Variants in AGO4 observed in about 807,000 individuals in gnomAD.
AGO4 encodes argonaute RISC component 4.
AGO4 carries 33 observed loss-of-function variants against 104.7 expected under a neutral mutation model. That is an observed-to-expected ratio of 0.32 (90% CI 0.24 to 0.42). AGO4 has a LOEUF of 0.42. AGO4 is among the 10% of genes least tolerant of loss of function. AGO4 has a pLI of 1.00. For missense variants in AGO4, 711 were observed against 1,083.4 expected (o/e 0.66, Z 4.83); for synonymous variants, 331 against 364.7 (o/e 0.91, Z 1.05).
chr1:35,834,183 CCTTTTAATG>C lies in AGO4; in HGVS notation c.1564+12_1564+20del, dbSNP rs1644250899. ...AAAGACACCAGTATATGGTATGGAC[CCTTTTAATG>C]CTGAATGAGGGATGATTTCAAGCAG... On this transcript the variant is annotated intron_variant, in intron 12 of 17. Transcript: ENST00000373210. 1 of 1,516,750 alleles carries C rather than the reference CCTTTTAATG, an allele frequency of 6.6e-7. No homozygotes were observed. The highest frequency in any genetic ancestry group is 1.3e-5 in the South Asian group (1 of 74,860). The allele number at this position is 1,516,750 out of a possible 1,614,324, so 94.0% of individuals were successfully genotyped here.
chr1:35,847,379 A>G (rs562663171), intron 15 of AGO4, among the ~76,000 whole-genome samples: 1 of 152,126 alleles, frequency 6.6e-6, no homozygotes, highest in East Asian at 1.9e-4. Flanking sequence ...GATTACAGGC[A>G]CATGCCACCA....
chr1:35,833,918 T>A, intron 11 of AGO4, 72 bp from the exon 12 acceptor site: 1 of 1,247,370 alleles, frequency 8.0e-7, no homozygotes, highest in Non-Finnish European at 1.0e-6. Flanking sequence ...AAGGAAGTAT[T>A]TCAGAGGAAA....
chr1:35,837,376 G>A (rs909372306), intron 13 of AGO4, among the ~76,000 whole-genome samples: 35 of 150,966 alleles, frequency 2.3e-4, no homozygotes, highest in Non-Finnish European at 2.2e-4. Flanking sequence ...GAGCCACCGC[G>A]CCTGGCCTGT....
At chr1:35,807,663 GA>G (rs1643339953), upstream of AGO4, among the ~76,000 whole-genome samples, 1 of 152,298 alleles carries the variant, frequency 6.6e-6, no homozygotes, top group East Asian at 1.9e-4. Flanking sequence ...TACGGAGAGG[GA>G]CGCGCAGTTG....
At chr1:35,832,760 C>T (rs1422229850) in intron 11 of AGO4, among the ~76,000 whole-genome samples, 190 bp downstream of exon 11, 1 of 152,142 alleles carries the variant, frequency 6.6e-6, no homozygotes, top group African/African-American at 2.4e-5. Flanking sequence ...TCTGACTCAG[C>T]TTCCTTACAT....
chr1:35,826,103 A>T, intron 6 of AGO4, 43 bp downstream of exon 6: 1 of 1,606,588 alleles, frequency 6.2e-7, no homozygotes, highest in Non-Finnish European at 8.5e-7. Context: ...GCAGCTCAGC[A>T]TGCTGCACGT....
At chr1:35,814,467 C>T (rs1329200675) in intron 1 of AGO4, among the ~76,000 whole-genome samples, 1 of 149,730 alleles carries the variant, frequency 6.7e-6, no homozygotes, top group Non-Finnish European at 1.5e-5. Context: ...CCCCCTACCC[C>T]ACAACAGGCC....
At chr1:35,839,776 G>A (rs999848838) in intron 13 of AGO4, among the ~76,000 whole-genome samples, 1 of 151,926 alleles carries the variant, frequency 6.6e-6, no homozygotes, top group African/African-American at 2.4e-5. Context: ...AGGTTGTCAA[G>A]TATGGGATGC....
intron 2 of AGO4, among the ~76,000 whole-genome samples, chr1:35,818,807 A>G (rs1268096108): frequency 1.3e-5 from 2 of 152,046 alleles, no homozygotes; most frequent in Non-Finnish European, 2.9e-5. Context: ...ATCATGCAGA[A>G]CTTGTAGGCA....
rs181810850 is a variant in AGO4, at chr1:35,825,198, G to T, written c.307-115G>T. On this transcript the variant is annotated intron_variant, in intron 3 of 17. Coordinates refer to ENST00000373210, the MANE Select transcript of AGO4 (RefSeq NM_017629.4). ...AAGTTGTTTCCAATGTTACACAATT[G>T]TAAAAAAAAGTTAAAAGAAATATCC... 1.1e-4 allele frequency: 117 copies of T among 1,084,690 alleles called. 1 individual carries two copies. The highest frequency in any genetic ancestry group is 1.5e-4 in the Non-Finnish European group (111 of 757,578). The allele number at this position is 1,084,690 out of a possible 1,614,324, so 67.2% of individuals were successfully genotyped here.
intron 11 of AGO4, 80 bp downstream of exon 11, chr1:35,832,650 C>T: frequency 2.7e-6 from 4 of 1,495,482 alleles, no homozygotes; most frequent in Non-Finnish European, 3.6e-6. Flanking sequence ...GTGCTGTGTA[C>T]ACTGGCACTA....
intron 13 of AGO4, among the ~76,000 whole-genome samples, chr1:35,837,810 T>C (rs1644350560): frequency 6.6e-6 from 1 of 152,214 alleles, no homozygotes; most frequent in Non-Finnish European, 1.5e-5. Flanking sequence ...AGATATCCTA[T>C]AGGCAAACAG....
chr1:35,816,288 T>C (rs113592102), intron 1 of AGO4, among the ~76,000 whole-genome samples: 1,588 of 152,040 alleles, frequency 0.01, 18 homozygotes, highest in African/African-American at 0.033. Flanking sequence ...CTAATGCTCA[T>C]GCAAGATTTT....
intron 15 of AGO4, among the ~76,000 whole-genome samples, chr1:35,846,045 G>A (rs1644565120): frequency 6.6e-6 from 1 of 152,192 alleles, no homozygotes. Flanking sequence ...ATAATTGGGT[G>A]TGGATGTATA....
rs982176540 is a variant in AGO4, at chr1:35,808,654, G to A, written c.19+219G>A. ...TGGGTGGATCCCGAGGTCCAGGGGG[G>A]AGGTTCGGGAAGGTGACCGGCGCTG... On this transcript the variant is annotated intron_variant, in intron 1 of 17. Coordinates refer to ENST00000373210, the MANE Select transcript of AGO4 (RefSeq NM_017629.4). This position sits in a 1 kb window ranked among gnomAD's most constrained non-coding sequence, Gnocchi z 5.2. Among the ~76,000 whole-genome samples, 9 of 152,118 alleles carry A rather than the reference G, an allele frequency of 5.9e-5. No homozygotes were observed. The highest frequency in any genetic ancestry group is 1.2e-4 in the Non-Finnish European group (8 of 67,990).
rs778885840 is a variant in AGO4, at chr1:35,835,845, C to T, written c.1576C>T (p.Arg526Cys). ...GKTPVYAEVK[R>C]VGDTLLGMAT... The stretch of plus-strand genomic sequence containing the variant: ...AATTATTTTTGTAGCGGAGGTGAAA[C>T]GTGTTGGAGATACCCTTCTAGGTAT... Residue 526 changes from arginine to cysteine, a missense_variant, in exon 13 of 18, where the codon CGT (arginine) becomes TGT (cysteine). Arg to Cys is a radical substitution (Grantham distance 180, BLOSUM62 -3). Transcript: ENST00000373210. 7 of 1,596,172 alleles carry T rather than the reference C, an allele frequency of 4.4e-6. No individual in the cohort carries two copies. The highest frequency in any genetic ancestry group is 2.3e-5 in the South Asian group (2 of 86,874).
intron 2 of AGO4, among the ~76,000 whole-genome samples, chr1:35,817,460 T>TG (rs947929886): frequency 3.3e-5 from 5 of 152,068 alleles, no homozygotes; most frequent in African/African-American, 9.7e-5. Context: ...GATTTTTTCT[T>TG]GGGGGAAAAG....
chr1:35,828,274 C>T (rs1040855090), intron 7 of AGO4, among the ~76,000 whole-genome samples: 3 of 152,180 alleles, frequency 2.0e-5, no homozygotes, highest in African/African-American at 7.2e-5. Flanking sequence ...CCCACCTCAG[C>T]CTCCTGAGTA....
At chr1:35,833,138 G>T (rs1025695321) in intron 11 of AGO4, among the ~76,000 whole-genome samples, 10 of 152,008 alleles carry the variant, frequency 6.6e-5, no homozygotes, top group Non-Finnish European at 8.8e-5. Context: ...AATCAGCCAG[G>T]CATGGTGGCA....
Sources: allele counts gnomAD v4.1 joint callset (sites outside exome capture counted in the v4.1 genomes callset), GRCh38; gene constraint gnomAD v4.1.1; non-coding constraint Gnocchi (gnomAD v3.1); transcripts MANE v1.5; gene names NCBI Gene and HGNC (gene_info 2026-07-23, HGNC 2026-07-21).